Variants in AARS2 observed in about 807,000 individuals in gnomAD.
AARS2 encodes alanine--tRNA ligase, mitochondrial.
A neutral mutation model predicts 119.7 loss-of-function variants in AARS2; 78 were observed. That is an observed-to-expected ratio of 0.65 (90% CI 0.54 to 0.79). The LOEUF is 0.79. AARS2 is among the 30% of genes least tolerant of loss of function. The pLI is 0.00. For missense variants in AARS2, 1,157 were observed against 1,291.3 expected (o/e 0.90, Z 1.59); for synonymous variants, 502 against 526.3 (o/e 0.95, Z 0.63).
At chr6:44,310,181 T>A in intron 5 of AARS2, 118 bp downstream of exon 5, 1 of 1,364,678 alleles carries the variant, frequency 7.3e-7, no homozygotes, top group Non-Finnish European at 1.0e-6. Context: ...GAATTCTTGG[T>A]TGGTTATTGT....
At chr6:44,312,339 T>A (rs529265191) in intron 1 of AARS2, 76 bp from the exon 2 acceptor site, 1 of 1,454,528 alleles carries the variant, frequency 6.9e-7, no homozygotes, top group Admixed American at 1.8e-5. Context: ...GGAGTGAGGA[T>A]AGGGATGGCT....
Position 44,303,325 on chromosome 6 carries a change from C to CG in AARS2, c.2105dup (p.Leu703AlafsTer13). 1 of 1,614,006 alleles carries CG rather than the reference C, an allele frequency of 6.2e-7. No homozygotes were observed. The highest frequency in any genetic ancestry group is 8.5e-7 in the Non-Finnish European group (1 of 1,180,018). Reference sequence around the variant, plus strand: ...GCAGGCCAGGGACCTGGGCAGTGAGCGCCAGGGGCACCTCCTCCATGTACA... The same window carrying CG: ...GCAGGCCAGGGACCTGGGCAGTGAGCGGCCAGGGGCACCTCCTCCATGTACA... On this transcript the variant is annotated frameshift_variant, in exon 15 of 22. Coordinates refer to ENST00000244571, the MANE Select transcript of AARS2 (RefSeq NM_020745.4). LOFTEE classifies it high-confidence loss of function.
At position 44,311,095 on chromosome 6, in the gene AARS2, GC is replaced by G; in HGVS notation, c.647del (p.Gly216AlafsTer23). 6.2e-7 allele frequency: 1 copy of G among 1,614,080 alleles called. No individual in the cohort carries two copies. Among genetic ancestry groups the G allele is most frequent in the Non-Finnish European group, 8.5e-7 (1 of 1,180,040 alleles). On this transcript the variant is annotated frameshift_variant, in exon 4 of 22. Coordinates refer to ENST00000244571, the MANE Select transcript of AARS2 (RefSeq NM_020745.4). LOFTEE classifies it high-confidence loss of function. ...QENFWEMGDT[G>X]PCGPCTEIHY... ...GGATCTCAGTACAGGGCCCACAAGG[GC>G]CAGTATCCCCCATCTCCCAGAAGTT... is the stretch of plus-strand genomic sequence containing the variant.
chr6:44,305,740 G>C lies in AARS2; in HGVS notation c.1347C>G (p.Pro449=). The change falls in exon 10 of 22, where the codon CCC becomes CCG. Residue 449 remains proline, a synonymous_variant. Coordinates refer to ENST00000244571, the MANE Select transcript of AARS2 (RefSeq NM_020745.4). The surrounding 1 kb of genome is among the most constrained non-coding windows in gnomAD (Gnocchi z 4.6). Reference sequence around the variant, plus strand: ...CCAGCATCAGCTCTACCATGTCCAAGGGGAGTCCCAGGTCTCCACACAGTG... The same window carrying C: ...CCAGCATCAGCTCTACCATGTCCAACGGGAGTCCCAGGTCTCCACACAGTG... ...SLSLCGDLGL[P]LDMVELMLEE... 4.3e-6 allele frequency: 7 copies of C among 1,614,126 alleles called. No individual in the cohort carries two copies. Among genetic ancestry groups the C allele is most frequent in the Non-Finnish European group, 5.9e-6 (7 of 1,180,010 alleles).
chr6:44,300,984 G>A, intron 21 of AARS2, 172 bp downstream of exon 21: 1 of 734,678 alleles, frequency 1.4e-6, no homozygotes. Flanking sequence ...TCTGGGGTGG[G>A]GAGGGGCTGT....
At position 44,304,542 on chromosome 6, in the gene AARS2, G is replaced by A. The variant is rs931124820; in HGVS notation, c.1753-9C>T. ...ACTGGGAACAGCACGTCCTGAGGGA[G>A]GGTAGTGGTCAAGGTGCCTGTAGCC... On this transcript the variant is annotated splice_polypyrimidine_tract_variant and intron_variant, in intron 12 of 21. Transcript: ENST00000244571. The A allele has an allele frequency of 1.2e-6, 2 of 1,614,148 alleles. No individual in the cohort carries two copies. The highest frequency in any genetic ancestry group is 1.7e-6 in the Non-Finnish European group (2 of 1,179,996).
rs2153355347 is a variant in AARS2, at chr6:44,307,098, A to C, written c.1041-67T>G. 2.5e-6 allele frequency: 4 copies of C among 1,598,042 alleles called. No individual in the cohort carries two copies. In the East Asian group the frequency reaches 9.0e-5, roughly 36 times the overall value. ...ATGGTCAGCAATATGGGGAGTGGGA[A>C]GGACGAGGTCCAGTGTGTGCTCCCA... On this transcript the variant is annotated intron_variant, in intron 6 of 21. Coordinates refer to ENST00000244571, the MANE Select transcript of AARS2 (RefSeq NM_020745.4). The surrounding 1 kb of genome is among the most constrained non-coding windows in gnomAD (Gnocchi z 4.4).
In AARS2 at chr6:44,302,069, T is replaced by C. The variant is rs1259494910; in HGVS notation, c.2589A>G (p.Gln863=). 2 of 1,614,018 alleles carry C rather than the reference T, an allele frequency of 1.2e-6. No homozygotes were observed. Among genetic ancestry groups the C allele is most frequent in the East Asian group, 2.2e-5 (1 of 44,892 alleles). The change falls in exon 19 of 22, where the codon CAA becomes CAG. Residue 863 remains glutamine (Q), a synonymous_variant. Transcript: ENST00000244571. ...CCAAACCTCCTCTCACCTGTCCCAT[T>C]TGCAGCTTACGGATGGCAGTGTTGG... ...RRANTAIRKL[Q]MGQAAKKTQE... is the part of the protein sequence containing the mutation.
chr6:44,303,415 C>G lies in AARS2; in HGVS notation c.2016G>C (p.Leu672Phe), dbSNP rs767513258. Residue 672 changes from leucine (L) to phenylalanine (F), a missense_variant, in exon 15 of 22, where the codon TTG becomes TTC. Leu to Phe is a conservative substitution (Grantham distance 22). Transcript: ENST00000244571. ...LRLDVTTQTP[L>F]TPEQLRAVEN... ...CCACTGCCCGGAGCTGCTCTGGGGT[C>G]AATGGGGTCTGGAGGGGTGGGGAGG... 1 of 1,613,974 alleles carries G rather than the reference C, an allele frequency of 6.2e-7. No individual in the cohort carries two copies. Among genetic ancestry groups the G allele is most frequent in the Non-Finnish European group, 8.5e-7 (1 of 1,180,014 alleles).
In AARS2 at chr6:44,304,315, G is replaced by A. The variant is rs756662327; in HGVS notation, c.1873C>T (p.Arg625Cys). 1.3e-5 allele frequency: 21 copies of A among 1,614,068 alleles called. No individual in the cohort carries two copies. Among genetic ancestry groups the A allele is most frequent in the Admixed American group, 6.7e-5 (4 of 60,012 alleles). The change falls in exon 14 of 22, where the codon CGT becomes TGT. Residue 625 changes from arginine (R) to cysteine (C), a missense_variant. Coordinates refer to ENST00000244571, the MANE Select transcript of AARS2 (RefSeq NM_020745.4). ...GTATGCTTCGCCATGCAGCCTAGAC[G>A]CCAGGCCTGAAATACTTTTGTCACC... is the stretch of plus-strand genomic sequence containing the variant. ...QVQLHVDEAW[R>C]LGCMAKHTAT...
Position 44,313,194 on chromosome 6 carries a change from C to G in AARS2, c.130G>C (p.Ala44Pro). ...PPAAKASAVR[A>P]AFLNFFRDRH... Reference sequence around the variant, plus strand: ...TCCCGAAAGAAGTTCAGAAAGGCGGCCCTCACGGCCGAGGCCTTGGCTGCA... The same window carrying G: ...TCCCGAAAGAAGTTCAGAAAGGCGGGCCTCACGGCCGAGGCCTTGGCTGCA... Residue 44 changes from alanine (A) to proline (P), a missense_variant, in exon 1 of 22, where the codon GCC becomes CCC. Ala to Pro is a conservative substitution (Grantham distance 27). Transcript: ENST00000244571. 1 of 1,610,902 alleles carries G rather than the reference C, an allele frequency of 6.2e-7. No individual in the cohort carries two copies. Among genetic ancestry groups the G allele is most frequent in the South Asian group, 1.1e-5 (1 of 90,726 alleles).
intron 2 of AARS2, 55 bp from the exon 3 acceptor site, chr6:44,311,590 C>T: frequency 1.3e-6 from 2 of 1,598,646 alleles, no homozygotes; most frequent in Non-Finnish European, 1.7e-6. Flanking sequence ...AGGGAGACCC[C>T]ACTGAAGTAA....
intron 21 of AARS2, chr6:44,300,916 G>C (rs1785300337): frequency 1.3e-6 from 1 of 744,376 alleles, no homozygotes; most frequent in Non-Finnish European, 2.2e-6. Flanking sequence ...TCTGCTACTT[G>C]TTTACAAGGG....
At chr6:44,306,569 G>GCAAC in intron 7 of AARS2, 37 bp from the exon 8 acceptor site, 1 of 1,613,736 alleles carries the variant, frequency 6.2e-7, no homozygotes, top group African/African-American at 1.3e-5. Context: ...GGTGTGAAAG[G>GCAAC]CAACCAACCC....
In AARS2 at chr6:44,301,275, C is replaced by T. The variant is rs368363224; in HGVS notation, c.2683-9G>A. On this transcript the variant is annotated splice_polypyrimidine_tract_variant and intron_variant, in intron 20 of 21. Coordinates refer to ENST00000244571, the MANE Select transcript of AARS2 (RefSeq NM_020745.4). Reference sequence around the variant, plus strand: ...ACCACCTTCACCAGCACCTGGACCACGAAAGACAGATGGTGAGCCCATCGC... The same window carrying T: ...ACCACCTTCACCAGCACCTGGACCATGAAAGACAGATGGTGAGCCCATCGC... The T allele has an allele frequency of 1.9e-4, 304 of 1,613,940 alleles. No individual in the cohort carries two copies. Among genetic ancestry groups the T allele is most frequent in the Non-Finnish European group, 2.1e-4 (246 of 1,179,964 alleles).
In AARS2 at chr6:44,304,242, C is replaced by T. The variant is rs1158769036; in HGVS notation, c.1946G>A (p.Gly649Asp). 1 of 1,614,136 alleles carries T rather than the reference C, an allele frequency of 6.2e-7. No homozygotes were observed. The highest frequency in any genetic ancestry group is 8.5e-7 in the Non-Finnish European group (1 of 1,180,024). ...NWALRQTLGP[G>D]TEQQGSHLNP... ...GAGATGGGAGCCCTGCTGCTCTGTGCCAGGGCCCAGGGTCTGCCTCAGTGC... is the reference window on the plus strand; with the variant it reads ...GAGATGGGAGCCCTGCTGCTCTGTGTCAGGGCCCAGGGTCTGCCTCAGTGC... Residue 649 changes from glycine to aspartate, a missense_variant, in exon 14 of 22, where the codon GGC becomes GAC. Coordinates refer to ENST00000244571, the MANE Select transcript of AARS2 (RefSeq NM_020745.4).
In AARS2 at chr6:44,301,395, C is replaced by T. The variant is rs752797271; in HGVS notation, c.2668G>A (p.Ala890Thr). 5 of 1,614,004 alleles carry T rather than the reference C, an allele frequency of 3.1e-6. No homozygotes were observed. In the Admixed American group the frequency reaches 8.3e-5, roughly 27 times the overall value. Residue 890 changes from alanine to threonine, a missense_variant, in exon 20 of 22, where the codon GCT (alanine) becomes ACT (threonine). Physicochemically the swap from Ala to Thr is moderately conservative, Grantham distance 58. Transcript: ENST00000244571. ...KGPLIVDTVS[A>T]ESLSVLVKVV... Reference sequence around the variant, plus strand: ...CTAGCACTCACTGAGAGAGACTCAGCAGAGACTGTGTCCACAATCAGAGGC... The same window carrying T: ...CTAGCACTCACTGAGAGAGACTCAGTAGAGACTGTGTCCACAATCAGAGGC...
rs200188616 is a variant in AARS2 at position 44,306,330 on chromosome 6, C to T, written c.1250G>A (p.Arg417Gln). The change falls in exon 9 of 22, where the codon CGG (arginine) becomes CAG (glutamine). Residue 417 changes from arginine to glutamine, a missense_variant. Coordinates refer to ENST00000244571, the MANE Select transcript of AARS2 (RefSeq NM_020745.4). Reference sequence around the variant, plus strand: ...GGTCCTCAGAGTCCGATCAATGATCCGCCTACCCCGCTCCAGGGAGGCCAG... The same window carrying T: ...GGTCCTCAGAGTCCGATCAATGATCTGCCTACCCCGCTCCAGGGAGGCCAG... ...AFLASLERGR[R>Q]IIDRTLRTLG... The T allele has an allele frequency of 6.3e-5, 102 of 1,613,992 alleles. 1 individual carries two copies. Among genetic ancestry groups the T allele is most frequent in the African/African-American group, 2.7e-5 (2 of 74,908 alleles).
Position 44,311,507 on chromosome 6 carries a change from A to C in AARS2, c.464T>G (p.Leu155Arg), listed in dbSNP as rs387907061. The C allele has an allele frequency of 3.7e-6, 6 of 1,611,880 alleles. No homozygotes were observed. The highest frequency in any genetic ancestry group is 2.5e-6 in the Non-Finnish European group (3 of 1,178,798). Residue 155 changes from leucine to arginine, a missense_variant, in exon 3 of 22, where the codon CTG (leucine) becomes CGG (arginine). Physicochemically the swap from Leu to Arg is moderately radical, Grantham distance 102 (BLOSUM62 -2). Transcript: ENST00000244571. Reference sequence around the variant, plus strand: ...AGGGATCCCATAGACCTGAGTCAGCAGTTCCCAGGCCATGTTACAAGCCTC... The same window carrying C: ...AGGGATCCCATAGACCTGAGTCAGCCGTTCCCAGGCCATGTTACAAGCCTC... ...KEEACNMAWE[L>R]LTQVYGIPEE... is the part of the protein sequence containing the mutation.
Sources: allele counts gnomAD v4.1 joint callset, GRCh38; gene constraint gnomAD v4.1.1; non-coding constraint Gnocchi (gnomAD v3.1); transcripts MANE v1.5; gene names NCBI Gene and HGNC (gene_info 2026-07-23, HGNC 2026-07-21).